The following CAMTA1 variants were observed in gnomAD, a reference collection of about 807,000 sequenced individuals.
CAMTA1 encodes calmodulin binding transcription activator 1, also known as calmodulin-binding transcription activator 1.
A neutral mutation model predicts 170.9 loss-of-function variants in CAMTA1; 27 were observed. The observed-to-expected ratio is 0.16, with a 90% CI of 0.12 to 0.22. The LOEUF (loss-of-function observed/expected upper bound fraction) is 0.22, where lower values mean the gene tolerates loss of function less well. Among genes scored for constraint, CAMTA1 ranks in the 10% least tolerant of loss-of-function variants. The probability of loss-of-function intolerance (pLI) is 1.00; values close to 1 mark genes in which losing one functional copy is unlikely to be tolerated. For missense variants in CAMTA1, 1,619 were observed against 2,217.2 expected, an observed-to-expected ratio of 0.73 and a Z score of 5.42; for synonymous variants, 833 against 891.5, an observed-to-expected ratio of 0.93 and a Z score of 1.17.
intron 3 of CAMTA1, among the ~76,000 whole-genome samples, chr1:7,070,804 G>C (rs1638539436): frequency 6.6e-6 from 1 of 152,262 alleles, no homozygotes; most frequent in South Asian, 2.1e-4. Context: ...TCAGCATGGA[G>C]ATTGTGTGTG....
At chr1:7,211,952 CT>C (rs1208797446) in intron 4 of CAMTA1, among the ~76,000 whole-genome samples, 1 of 152,244 alleles carries the variant, frequency 6.6e-6, no homozygotes, top group Non-Finnish European at 1.5e-5. Context: ...AGCCGTTCAT[CT>C]TTCCATATGT....
At chr1:7,329,742 C>G (rs11120901) in intron 5 of CAMTA1, among the ~76,000 whole-genome samples, 2,185 of 152,236 alleles carry the variant, frequency 0.014, 53 homozygotes, top group African/African-American at 0.05. Flanking sequence ...ATGTGTAACC[C>G]CAAATTCATT....
chr1:7,726,765 T>A (rs979628200), intron 11 of CAMTA1, among the ~76,000 whole-genome samples: 3 of 152,184 alleles, frequency 2.0e-5, no homozygotes, highest in Non-Finnish European at 4.4e-5. Flanking sequence ...GCGACGGATA[T>A]AGCCTAATAT....
intron 4 of CAMTA1, among the ~76,000 whole-genome samples, chr1:7,129,919 TTG>T (rs3058550): frequency 0.34 from 50,177 of 146,834 alleles, 8,413 homozygotes; most frequent in Middle Eastern, 0.51. Flanking sequence ...CTACCTTCTT[TTG>T]TGTGTGTGTG....
At chr1:7,548,398 T>G (rs935788585) in intron 6 of CAMTA1, among the ~76,000 whole-genome samples, 1 of 151,038 alleles carries the variant, frequency 6.6e-6, no homozygotes, top group African/African-American at 2.4e-5. Context: ...AGGGCACCCC[T>G]TAAGGGTGGA....
intron 5 of CAMTA1, among the ~76,000 whole-genome samples, chr1:7,295,328 C>T (rs1026985462): frequency 2.6e-5 from 4 of 152,196 alleles, no homozygotes; most frequent in Non-Finnish European, 5.9e-5. Flanking sequence ...TGATCTTTCA[C>T]TCAGTGCCCC....
intron 6 of CAMTA1, among the ~76,000 whole-genome samples, chr1:7,576,564 A>C (rs2095196079): frequency 6.6e-6 from 1 of 152,200 alleles, no homozygotes; most frequent in African/African-American, 2.4e-5. Context: ...CTCACCAGAC[A>C]CTGAATTGAT....
chr1:7,488,597 T>C (rs908770883), intron 6 of CAMTA1, among the ~76,000 whole-genome samples: 2 of 152,114 alleles, frequency 1.3e-5, no homozygotes, highest in African/African-American at 4.8e-5. Flanking sequence ...TACACATACA[T>C]GCATGATACA....
chr1:6,805,584 C>T (rs906955901), intron 1 of CAMTA1, among the ~76,000 whole-genome samples: 2 of 152,216 alleles, frequency 1.3e-5, no homozygotes, highest in African/African-American at 2.4e-5. Context: ...TGTCTCCCTG[C>T]AGTCTTGCCT....
chr1:7,525,151 G>C (rs939959974), intron 6 of CAMTA1, among the ~76,000 whole-genome samples: 2 of 152,204 alleles, frequency 1.3e-5, no homozygotes, highest in South Asian at 2.1e-4. Context: ...TGAGGCTCCA[G>C]GAGTTGCTCT....
chr1:7,471,199 GTCTC>G (rs1041197994), intron 6 of CAMTA1, among the ~76,000 whole-genome samples: 4 of 152,196 alleles, frequency 2.6e-5, no homozygotes, highest in African/African-American at 7.2e-5. Flanking sequence ...CAGGCTCTCT[GTCTC>G]TCTCTGCGTC....
chr1:7,189,649 A>T (rs1357348503), intron 4 of CAMTA1, among the ~76,000 whole-genome samples: 1 of 152,276 alleles, frequency 6.6e-6, no homozygotes, highest in Non-Finnish European at 1.5e-5. Flanking sequence ...GTTGGCGTGG[A>T]TGCAGTGAAA....
intron 3 of CAMTA1, among the ~76,000 whole-genome samples, chr1:6,884,502 G>A (rs1039696408): frequency 1.3e-5 from 2 of 152,162 alleles, no homozygotes; most frequent in African/African-American, 2.4e-5. Flanking sequence ...AATCATGTGA[G>A]CCTCTCATGA....
At chr1:7,690,341 T>G (rs982374676) in intron 11 of CAMTA1, among the ~76,000 whole-genome samples, 2 of 152,124 alleles carry the variant, frequency 1.3e-5, no homozygotes, top group African/African-American at 4.8e-5. Flanking sequence ...CTCTGCTCCC[T>G]GGCCCTCATG....
chr1:7,278,221 C>A (rs907453381), intron 5 of CAMTA1, among the ~76,000 whole-genome samples: 3 of 152,208 alleles, frequency 2.0e-5, no homozygotes, highest in African/African-American at 7.2e-5. Context: ...TGCCCCACCC[C>A]ACAGGACTTG....
intron 6 of CAMTA1, among the ~76,000 whole-genome samples, chr1:7,468,691 T>C (rs1285453112): frequency 6.6e-6 from 1 of 152,232 alleles, no homozygotes; most frequent in Non-Finnish European, 1.5e-5. Context: ...GGCCTGCCTC[T>C]GTCACCCCAA....
At position 7,146,264 on chromosome 1, in the gene CAMTA1, C is replaced by T. The variant is rs1167967012; in HGVS notation, c.302+54893C>T. On this transcript the variant is annotated intron_variant, in intron 4 of 22. Coordinates refer to ENST00000303635, the MANE Select transcript of CAMTA1 (RefSeq NM_015215.4). This position sits in a 1 kb window ranked among gnomAD's most constrained non-coding sequence, Gnocchi z 4.3. ...TGGCAGCCCCTGAACCCGGTGCCTGCTCATGAGCCAGTCTCCCTCTTGGCT... is the reference window on the plus strand; with the variant it reads ...TGGCAGCCCCTGAACCCGGTGCCTGTTCATGAGCCAGTCTCCCTCTTGGCT... Among the ~76,000 whole-genome samples, 2 of 152,098 alleles carry T rather than the reference C, an allele frequency of 1.3e-5. No individual in the cohort carries two copies. The highest frequency in any genetic ancestry group is 2.9e-5 in the Non-Finnish European group (2 of 68,020).
intron 3 of CAMTA1, among the ~76,000 whole-genome samples, chr1:6,848,914 G>A (rs1270680191): frequency 6.6e-6 from 1 of 152,144 alleles, no homozygotes; most frequent in Non-Finnish European, 1.5e-5. Context: ...AAAGATAAAT[G>A]GGCTCATAGG....
chr1:6,787,588 G>T (rs368967604), intron 1 of CAMTA1, among the ~76,000 whole-genome samples: 6 of 152,206 alleles, frequency 3.9e-5, no homozygotes, highest in African/African-American at 1.4e-4. Context: ...GGACCTTTAT[G>T]TGTAATGATA....
Sources: allele counts gnomAD v4.1 joint callset (sites outside exome capture counted in the v4.1 genomes callset), GRCh38; gene constraint gnomAD v4.1.1; non-coding constraint Gnocchi (gnomAD v3.1); transcripts MANE v1.5; gene names NCBI Gene and HGNC (gene_info 2026-07-23, HGNC 2026-07-21).